DNER: variants seen among roughly 807,000 people sequenced by gnomAD.
DNER encodes delta/notch like EGF repeat containing, also known as delta and Notch-like epidermal growth factor-related receptor.
DNER carries 33 observed loss-of-function variants against 78.2 expected under a neutral mutation model. That is an observed-to-expected ratio of 0.42 (90% confidence interval 0.32 to 0.56). DNER has a LOEUF of 0.56. DNER is among the 20% of genes least tolerant of loss of function. The pLI, the probability that DNER is intolerant of heterozygous loss-of-function variation, is 0.11. For synonymous variants in DNER, 417 were observed against 384.8 expected, an observed-to-expected ratio of 1.08 and a Z score of -0.98; for missense variants, 918 against 975.3, an observed-to-expected ratio of 0.94 and a Z score of 0.78.
intron 1 of DNER, among the ~76,000 whole-genome samples, chr2:229,653,030 C>T (rs1698847560): frequency 6.6e-6 from 1 of 152,136 alleles, no homozygotes; most frequent in Non-Finnish European, 1.5e-5. Flanking sequence ...ACTCTGATGC[C>T]AGCATGCTAA....
At chr2:229,509,497 A>G (rs1382698105) in intron 6 of DNER, among the ~76,000 whole-genome samples, 1 of 152,246 alleles carries the variant, frequency 6.6e-6, no homozygotes, top group Non-Finnish European at 1.5e-5. Flanking sequence ...TCCTGCCCTC[A>G]TGTGGCTTAA....
At chr2:229,378,323 T>C (rs999103883) in intron 11 of DNER, among the ~76,000 whole-genome samples, 8 of 152,176 alleles carry the variant, frequency 5.3e-5, no homozygotes, top group Admixed American at 1.3e-4. Context: ...CTAATACAGA[T>C]GGTCAGGGAA....
chr2:229,591,173 G>C lies in DNER; in HGVS notation c.585+407C>G, dbSNP rs1697599644. Among the ~76,000 whole-genome samples, 1 of 152,294 alleles carries C rather than the reference G, an allele frequency of 6.6e-6. No homozygotes were observed. Among genetic ancestry groups the C allele is most frequent in the African/African-American group, 2.4e-5 (1 of 41,562 alleles). ...AACCACTCAAGAATGGACCAATACT[G>C]TGTGTTGGTTATAAGCAACCCAGTT... On this transcript the variant is annotated intron_variant, in intron 2 of 12. Transcript: ENST00000341772. This position sits in a 1 kb window ranked among gnomAD's most constrained non-coding sequence, Gnocchi z 4.6.
At chr2:229,391,611 G>A (rs566291387) in intron 10 of DNER, among the ~76,000 whole-genome samples, 4 of 151,658 alleles carry the variant, frequency 2.6e-5, no homozygotes, top group Non-Finnish European at 4.4e-5. Flanking sequence ...GCACAATCTC[G>A]GCTCACTGCA....
intron 9 of DNER, among the ~76,000 whole-genome samples, chr2:229,408,196 T>G (rs570150966): frequency 3.9e-5 from 6 of 152,208 alleles, no homozygotes; most frequent in Non-Finnish European, 8.8e-5. Context: ...CGCAAATGCC[T>G]GAAGTGGGAC....
At chr2:229,560,587 C>G (rs1413498970) in intron 4 of DNER, among the ~76,000 whole-genome samples, 1 of 151,912 alleles carries the variant, frequency 6.6e-6, no homozygotes, top group African/African-American at 2.4e-5. Flanking sequence ...CCAACTCTTT[C>G]AGAAGGTGGG....
chr2:229,679,826 AC>A (rs559855809), intron 1 of DNER, among the ~76,000 whole-genome samples: 2 of 152,152 alleles, frequency 1.3e-5, no homozygotes, highest in Non-Finnish European at 2.9e-5. Flanking sequence ...ACATGTCCTA[AC>A]ATCTTTCACA....
At chr2:229,601,145 G>T (rs1270999859) in intron 1 of DNER, among the ~76,000 whole-genome samples, 1 of 152,124 alleles carries the variant, frequency 6.6e-6, no homozygotes, top group Admixed American at 6.6e-5. Context: ...TCTTAATATT[G>T]TGTTTCTATG....
chr2:229,436,802 A>G (rs1205730996), intron 8 of DNER, among the ~76,000 whole-genome samples: 1 of 152,228 alleles, frequency 6.6e-6, no homozygotes, highest in Non-Finnish European at 1.5e-5. Flanking sequence ...AGGAAGTGCT[A>G]AATATGGAAA....
At chr2:229,495,825 G>A (rs558088555) in intron 6 of DNER, among the ~76,000 whole-genome samples, 4 of 152,214 alleles carry the variant, frequency 2.6e-5, no homozygotes, top group East Asian at 3.9e-4. Context: ...TCCACTAAAC[G>A]TATTTCTAGA....
chr2:229,630,780 T>C (rs1020228141), intron 1 of DNER, among the ~76,000 whole-genome samples: 3 of 152,122 alleles, frequency 2.0e-5, no homozygotes, highest in Non-Finnish European at 4.4e-5. Context: ...TTTCAACCCT[T>C]GCCCCCCTTC....
intron 10 of DNER, among the ~76,000 whole-genome samples, chr2:229,401,504 G>A (rs1693266149): frequency 6.6e-6 from 1 of 151,994 alleles, no homozygotes; most frequent in African/African-American, 2.4e-5. Flanking sequence ...TAAAAAGGGA[G>A]AAATTATTGA....
chr2:229,559,162 C>T (rs1444772735), intron 4 of DNER, among the ~76,000 whole-genome samples: 1 of 152,150 alleles, frequency 6.6e-6, no homozygotes. Flanking sequence ...ATTTGGGATG[C>T]TGATGAGACC....
intron 9 of DNER, among the ~76,000 whole-genome samples, chr2:229,411,438 T>G (rs937360252): frequency 6.6e-6 from 1 of 152,030 alleles, no homozygotes; most frequent in South Asian, 2.1e-4. Context: ...ACACCTGTAA[T>G]CCCAGCTACT....
intron 1 of DNER, among the ~76,000 whole-genome samples, chr2:229,627,991 CCT>C (rs1360336295): frequency 6.6e-6 from 1 of 152,196 alleles, no homozygotes; most frequent in Non-Finnish European, 1.5e-5. Flanking sequence ...CCTTTTCTCC[CCT>C]CTCTTACACA....
chr2:229,637,180 G>A (rs1451218130), intron 1 of DNER, among the ~76,000 whole-genome samples: 1 of 152,048 alleles, frequency 6.6e-6, no homozygotes, highest in Non-Finnish European at 1.5e-5. Context: ...ACTTACATCT[G>A]TCATCAATCA....
chr2:229,703,836 G>C (rs1699787758), intron 1 of DNER, among the ~76,000 whole-genome samples: 1 of 151,368 alleles, frequency 6.6e-6, no homozygotes, highest in East Asian at 1.9e-4. Flanking sequence ...GAGATCACAA[G>C]TTTGCACCAC....
At chr2:229,552,606 C>T (rs915940025) in intron 4 of DNER, among the ~76,000 whole-genome samples, 4 of 152,152 alleles carry the variant, frequency 2.6e-5, no homozygotes, top group African/African-American at 9.7e-5. Context: ...CTACTTGCTG[C>T]CACCATGCGA....
intron 1 of DNER, among the ~76,000 whole-genome samples, chr2:229,639,660 T>A (rs935877638): frequency 1.3e-5 from 2 of 152,218 alleles, no homozygotes; most frequent in Non-Finnish European, 2.9e-5. Flanking sequence ...ACTAAGCTTT[T>A]GAGGGTTTAT....
Sources: gnomAD v4.1 joint callset for allele counts (sites outside exome capture counted in the v4.1 genomes callset) on GRCh38, gnomAD v4.1.1 for gene constraint, Gnocchi (gnomAD v3.1) non-coding constraint, MANE v1.5 for transcripts, NCBI Gene and HGNC (gene_info 2026-07-23, HGNC 2026-07-21) for gene names.